The following KAT14 variants were observed in gnomAD, a reference collection of about 807,000 sequenced individuals.
KAT14 encodes the protein cysteine-rich protein 2-binding protein.
A neutral mutation model predicts 78.4 loss-of-function variants in KAT14; 66 were observed. The ratio of observed to expected loss-of-function variants is 0.84; its 90% CI spans 0.69 to 1.03. The LOEUF (loss-of-function observed/expected upper bound fraction) is 1.03. Ranked by LOEUF, KAT14 falls within the 50% of genes least tolerant of loss-of-function variation. The pLI, the probability that KAT14 is intolerant of heterozygous loss-of-function variation, is 0.00. For missense variants in KAT14, 870 were observed against 972.5 expected (o/e 0.89, Z 1.40); for synonymous variants, 344 against 359.4 (o/e 0.96, Z 0.48).
chr20:18,182,860 G>A (rs536945618), intron 8 of KAT14, among the ~76,000 whole-genome samples: 2 of 152,300 alleles, frequency 1.3e-5, no homozygotes, highest in Admixed American at 1.3e-4. Context: ...TGAATCTGAT[G>A]CTGTATCTGT....
intron 10 of KAT14, 118 bp downstream of exon 10, chr20:18,184,910 AAAC>A: frequency 9.0e-7 from 1 of 1,114,242 alleles, no homozygotes; most frequent in Non-Finnish European, 1.2e-6. Flanking sequence ...GTTTCCTTGT[AAAC>A]CAAGTGAAGA....
In KAT14 at chr20:18,150,795, C is replaced by T. The variant is rs747366057; in HGVS notation, c.379-26C>T. On this transcript the variant is annotated intron_variant, in intron 3 of 10. Coordinates refer to ENST00000688188, the MANE Select transcript of KAT14 (RefSeq NM_001392073.1). ...AACATCCCTAACCGTGCTGTTCTCC[C>T]ACCTCTTGTTTCAATTGTGTTTCAG... 6.2e-6 allele frequency: 10 copies of T among 1,613,702 alleles called. No individual in the cohort carries two copies. In the African/African-American group the frequency reaches 1.2e-4, roughly 19 times the overall value.
In KAT14 at chr20:18,181,400, G is replaced by A. The variant is rs572035313; in HGVS notation, c.1669-310G>A. Among the ~76,000 whole-genome samples the A allele has an allele frequency of 1.5e-4, 19 of 124,402 alleles. No homozygotes were observed. The East Asian group carries it at 3.6e-3, about 24-fold the overall frequency. 81.6% of individuals were successfully genotyped at this position (124,402 alleles called of 152,430 possible). On this transcript the variant is annotated intron_variant, in intron 7 of 10. Transcript: ENST00000688188. ...TTTTTTTTTTTTGAGACGGAGTCTC[G>A]CTCTATCGCCCAGGCTGGAGTGCAG...
Position 18,187,208 on chromosome 20 carries a change from T to G in KAT14, c.2173-78T>G, listed in dbSNP as rs1436428618. 6.6e-6 allele frequency: 10 copies of G among 1,512,874 alleles called. No homozygotes were observed. The South Asian group carries it at 8.3e-5, about 13-fold the overall frequency. The allele number at this position is 1,512,874 out of a possible 1,614,324, so 93.7% of individuals were successfully genotyped here. ...GGTTTCCATAACTAACTGCCTACAC[T>G]TAAAAGCGTTTCTTTACCTACTCAT... On this transcript the variant is annotated intron_variant, in intron 10 of 10. Coordinates refer to ENST00000688188, the MANE Select transcript of KAT14 (RefSeq NM_001392073.1).
intron 3 of KAT14, among the ~76,000 whole-genome samples, chr20:18,146,312 C>A (rs1600217267): frequency 6.6e-6 from 1 of 151,746 alleles, no homozygotes; most frequent in South Asian, 2.1e-4. Flanking sequence ...GCGGAGGCGG[C>A]CAGATCACCT....
At chr20:18,172,562 C>G (rs2038886417) in intron 7 of KAT14, among the ~76,000 whole-genome samples, 1 of 152,186 alleles carries the variant, frequency 6.6e-6, no homozygotes, top group Non-Finnish European at 1.5e-5. Flanking sequence ...CCACCACACC[C>G]AGCCTTAAAC....
chr20:18,141,205 G>T (rs530670921), intron 1 of KAT14, among the ~76,000 whole-genome samples: 1 of 151,820 alleles, frequency 6.6e-6, no homozygotes, highest in South Asian at 2.1e-4. Flanking sequence ...AGAGTATTTT[G>T]TGAGCAATAA....
At chr20:18,140,281 G>T (rs759650976) in intron 1 of KAT14, among the ~76,000 whole-genome samples, 2 of 152,084 alleles carry the variant, frequency 1.3e-5, no homozygotes, top group Non-Finnish European at 2.9e-5. Flanking sequence ...TCTCAGTGGT[G>T]ATCTTGCCAA....
At chr20:18,155,582 G>A (rs531587636) in intron 4 of KAT14, among the ~76,000 whole-genome samples, 1 of 152,242 alleles carries the variant, frequency 6.6e-6, no homozygotes, top group Admixed American at 6.5e-5. Flanking sequence ...AATGGGTAAA[G>A]GCATTTAATA....
At chr20:18,160,485 C>T (rs2038379343) in intron 5 of KAT14, among the ~76,000 whole-genome samples, 1 of 151,982 alleles carries the variant, frequency 6.6e-6, no homozygotes, top group South Asian at 2.1e-4. Context: ...GTAGATTTAC[C>T]CTATTTTATT....
intron 7 of KAT14, among the ~76,000 whole-genome samples, chr20:18,176,940 G>T (rs1172197223): frequency 6.6e-6 from 1 of 152,144 alleles, no homozygotes. Context: ...ATTGGGAGTG[G>T]TTTACACTAG....
In KAT14 at chr20:18,137,878, A is replaced by C. The variant is rs963205065; in HGVS notation, c.-627A>C. 4.3e-6 allele frequency: 6 copies of C among 1,380,494 alleles called. No individual in the cohort carries two copies. In the Admixed American group the frequency reaches 1.2e-4, roughly 28 times the overall value. The allele number at this position is 1,380,494 out of a possible 1,614,324, so 85.5% of individuals were successfully genotyped here. ...TCGAGGGGTCGAGCCTGGGCAGTAC[A>C]GGCGGCGGTGCGCACTCTGCGGCGG... On this transcript the variant is annotated 5_prime_UTR_variant, in exon 1 of 11. Coordinates refer to ENST00000688188, the MANE Select transcript of KAT14 (RefSeq NM_001392073.1).
chr20:18,159,087 A>G lies in KAT14; in HGVS notation c.504A>G (p.Lys168=). ...KHWTFLLGNR[K]KTSTWWSTVA... is the part of the protein sequence containing the mutation. ...TTTAAATTCTTGGACTCTTTAGGAA[A>G]AAGACGTCTACCTGGTGGAGCACCG... The change falls in exon 5 of 11, where the codon AAA becomes AAG. Residue 168 remains lysine, a synonymous_variant. Transcript: ENST00000688188. 1 of 1,595,306 alleles carries G rather than the reference A, an allele frequency of 6.3e-7. No homozygotes were observed. Among genetic ancestry groups the G allele is most frequent in the Non-Finnish European group, 8.5e-7 (1 of 1,175,268 alleles).
At chr20:18,168,925 T>A (rs773891010) in intron 7 of KAT14, among the ~76,000 whole-genome samples, 3 of 152,200 alleles carry the variant, frequency 2.0e-5, no homozygotes, top group Non-Finnish European at 4.4e-5. Context: ...CTTCTGGTAT[T>A]CCCATTGTGT....
intron 7 of KAT14, among the ~76,000 whole-genome samples, chr20:18,180,468 C>T (rs1209243345): frequency 1.3e-5 from 2 of 152,210 alleles, no homozygotes; most frequent in Non-Finnish European, 2.9e-5. Flanking sequence ...CTTATGAGCC[C>T]TCCAAACTGT....
At chr20:18,139,843 G>A (rs2037461925) in intron 1 of KAT14, among the ~76,000 whole-genome samples, 2 of 152,140 alleles carry the variant, frequency 1.3e-5, no homozygotes, top group Admixed American at 6.5e-5. Flanking sequence ...CACATACCAG[G>A]CAGTGTATTA....
At position 18,138,361 on chromosome 20, in the gene KAT14, C is replaced by A. The variant is rs570438741; in HGVS notation, c.-454+310C>A. On this transcript the variant is annotated intron_variant, in intron 1 of 10. Transcript: ENST00000688188. ...GCACGGCACGCAAGCTTTTGGGGTG[C>A]CCAGTGGCTCTGTTTTCAAGTCACA... The A allele has an allele frequency of 8.7e-5, 94 of 1,076,558 alleles. No homozygotes were observed. In the African/African-American group the frequency reaches 1.5e-3, roughly 17 times the overall value. The allele number at this position is 1,076,558 out of a possible 1,614,324, so 66.7% of individuals were successfully genotyped here.
At chr20:18,173,797 G>C (rs978969811) in intron 7 of KAT14, among the ~76,000 whole-genome samples, 3 of 152,056 alleles carry the variant, frequency 2.0e-5, no homozygotes, top group African/African-American at 7.2e-5. Flanking sequence ...TTACCTTGGA[G>C]GCTATTTCTT....
intron 7 of KAT14, among the ~76,000 whole-genome samples, chr20:18,180,343 C>G (rs954437952): frequency 1.3e-5 from 2 of 152,200 alleles, no homozygotes; most frequent in African/African-American, 4.8e-5. Flanking sequence ...TTCCTCATCT[C>G]CATCTGAGAC....
Sources: allele counts gnomAD v4.1 joint callset (sites outside exome capture counted in the v4.1 genomes callset), GRCh38; gene constraint gnomAD v4.1.1; transcripts MANE v1.5; gene names NCBI Gene and HGNC (gene_info 2026-07-23, HGNC 2026-07-21).